Variants in DEUP1 observed in about 807,000 individuals in gnomAD.
DEUP1 encodes the protein coiled-coil domain containing 67.
Under a neutral mutation model 87.4 loss-of-function variants are expected in DEUP1, and 82 were observed. That is an observed-to-expected ratio of 0.94 (90% CI 0.78 to 1.13). The LOEUF (loss-of-function observed/expected upper bound fraction) is 1.13, where lower values mean the gene tolerates loss of function less well. DEUP1 is among the 50% of genes most tolerant of loss of function. The pLI is 0.00. For synonymous variants in DEUP1, 214 were observed against 222.7 expected, an observed-to-expected ratio of 0.96 and a Z score of 0.35; for missense variants, 663 against 681.5, an observed-to-expected ratio of 0.97 and a Z score of 0.30.
intron 9 of DEUP1, among the ~76,000 whole-genome samples, chr11:93,393,243 A>G (rs2134358507): frequency 6.6e-6 from 1 of 151,892 alleles, no homozygotes; most frequent in South Asian, 2.1e-4. Context: ...CTGAATGCAC[A>G]TGCCACCACA....
chr11:93,345,638 G>C lies in DEUP1; in HGVS notation c.30-9733G>C, dbSNP rs1310812799. Among the ~76,000 whole-genome samples, 3 of 152,132 alleles carry C rather than the reference G, an allele frequency of 2.0e-5. No individual in the cohort carries two copies. The South Asian group carries it at 6.2e-4, about 32-fold the overall frequency. On this transcript the variant is annotated intron_variant, in intron 2 of 13. Coordinates refer to ENST00000298050, the MANE Select transcript of DEUP1 (RefSeq NM_181645.4). ...ATGTTGAGCCTTTTTTCATATGTTT[G>C]TTAGCTGCATGTATGTCTTCTTTTG...
chr11:93,330,632 C>A, upstream of DEUP1: 1 of 152,756 alleles, frequency 6.5e-6, no homozygotes, highest in South Asian at 1.8e-4. Flanking sequence ...CCTCGTTGGT[C>A]GCGCGGCGGG....
intron 11 of DEUP1, among the ~76,000 whole-genome samples, chr11:93,406,614 A>G (rs1947285694): frequency 6.6e-6 from 1 of 151,946 alleles, no homozygotes; most frequent in African/African-American, 2.4e-5. Context: ...GACAGATTTC[A>G]TTAAATAAAA....
At chr11:93,392,884 C>G (rs868514012) in intron 9 of DEUP1, among the ~76,000 whole-genome samples, 8 of 151,550 alleles carry the variant, frequency 5.3e-5, no homozygotes, top group African/African-American at 1.9e-4. Context: ...GCCATGCTTT[C>G]ACTCACTGAG....
intron 2 of DEUP1, among the ~76,000 whole-genome samples, chr11:93,350,467 T>C (rs956085590): frequency 3.3e-5 from 5 of 152,172 alleles, no homozygotes; most frequent in African/African-American, 1.2e-4. Flanking sequence ...CAGACAGTAG[T>C]TACCTGTTAA....
chr11:93,387,483 G>C (rs984902535), intron 8 of DEUP1, among the ~76,000 whole-genome samples: 3 of 151,934 alleles, frequency 2.0e-5, no homozygotes, highest in Non-Finnish European at 4.4e-5. Flanking sequence ...GGGTTGATAT[G>C]TTCTGAGAGT....
intron 5 of DEUP1, among the ~76,000 whole-genome samples, chr11:93,368,585 A>C (rs1945540334): frequency 6.6e-6 from 1 of 152,164 alleles, no homozygotes; most frequent in African/African-American, 2.4e-5. Flanking sequence ...CTTTCAAACA[A>C]CCAGATCTCA....
At position 93,371,153 on chromosome 11, in the gene DEUP1, A is replaced by G. The variant is rs374649588; in HGVS notation, c.662A>G (p.Glu221Gly). ...CCAGATCCCAATTGTGAAATCAATG[A>G]AAGAGATGAGTTCATTATTGAAAAA... ...CDPDPNCEIN[E>G]RDEFIIEKLK... Residue 221 changes from glutamate to glycine, a missense_variant, in exon 7 of 14, where the codon GAA becomes GGA. Glu to Gly is a moderately conservative substitution (Grantham distance 98). Coordinates refer to ENST00000298050, the MANE Select transcript of DEUP1 (RefSeq NM_181645.4). The G allele has an allele frequency of 1.5e-5, 25 of 1,613,220 alleles. No individual in the cohort carries two copies. Among genetic ancestry groups the G allele is most frequent in the Non-Finnish European group, 2.0e-5 (24 of 1,179,578 alleles).
At chr11:93,402,732 C>T (rs1256040213) in intron 11 of DEUP1, among the ~76,000 whole-genome samples, 3 of 151,714 alleles carry the variant, frequency 2.0e-5, no homozygotes, top group Non-Finnish European at 4.4e-5. Flanking sequence ...GATGAAACTG[C>T]TAGAGGTCAT....
intron 13 of DEUP1, among the ~76,000 whole-genome samples, chr11:93,429,209 A>G (rs1436200414): frequency 1.3e-5 from 2 of 152,206 alleles, no homozygotes; most frequent in Non-Finnish European, 2.9e-5. Flanking sequence ...GCTTAAAACC[A>G]TTAGCTTTTG....
Position 93,364,300 on chromosome 11 carries a change from A to T in DEUP1, c.432+6A>T. 6.2e-7 allele frequency: 1 copy of T among 1,604,852 alleles called. No individual in the cohort carries two copies. The highest frequency in any genetic ancestry group is 1.1e-5 in the South Asian group (1 of 90,510). On this transcript the variant is annotated splice_donor_region_variant and intron_variant, in intron 5 of 13. Transcript: ENST00000298050. ...ATTTGAACCAGAAATTAGAGGTGAGATATATTATCTTAGTTTCTTCATGTG... is the reference window on the plus strand; with the variant it reads ...ATTTGAACCAGAAATTAGAGGTGAGTTATATTATCTTAGTTTCTTCATGTG...
Position 93,389,177 on chromosome 11 carries a change from T to C in DEUP1, c.1041+52T>C. On this transcript the variant is annotated intron_variant, in intron 9 of 13. Transcript: ENST00000298050. ...TCCAGGTAGATGTGAACTCTTTACATACAAAGGGAGTTAAAAAAAAATCTT... is the reference window on the plus strand; with the variant it reads ...TCCAGGTAGATGTGAACTCTTTACACACAAAGGGAGTTAAAAAAAAATCTT... The C allele has an allele frequency of 4.0e-6, 4 of 990,530 alleles. 1 individual carries two copies. Among genetic ancestry groups the C allele is most frequent in the Admixed American group, 3.0e-5 (1 of 33,872 alleles). 61.4% of individuals were successfully genotyped at this position (990,530 alleles called of 1,614,324 possible). A position where few individuals can be genotyped will look rare whatever the true frequency, so the allele number is the denominator to read the frequency against.
chr11:93,430,296 T>C (rs534539977), intron 13 of DEUP1, among the ~76,000 whole-genome samples: 107 of 152,000 alleles, frequency 7.0e-4, no homozygotes, highest in Middle Eastern at 3.4e-3. Flanking sequence ...TTGAATAAGA[T>C]AGACACATAA....
intron 2 of DEUP1, among the ~76,000 whole-genome samples, chr11:93,335,956 A>C (rs1184145715): frequency 1.3e-5 from 2 of 152,106 alleles, no homozygotes; most frequent in African/African-American, 4.8e-5. Flanking sequence ...CTCTACTAAA[A>C]ATAAAAATTA....
intron 5 of DEUP1, among the ~76,000 whole-genome samples, chr11:93,367,364 C>T (rs1945473000): frequency 1.3e-5 from 2 of 152,114 alleles, no homozygotes; most frequent in Non-Finnish European, 2.9e-5. Flanking sequence ...AGCTTTCATT[C>T]TCTAAATTAG....
Position 93,355,450 on chromosome 11 carries a change from G to C in DEUP1, c.109G>C (p.Glu37Gln), listed in dbSNP as rs772875843. The C allele has an allele frequency of 6.8e-6, 11 of 1,613,836 alleles. No individual in the cohort carries two copies. Among genetic ancestry groups the C allele is most frequent in the Non-Finnish European group, 9.3e-6 (11 of 1,179,790 alleles). ...GGTAAGCAACAAGAAAATGGATTGG[G>C]AAAGAAAGATGCGGGCTTTGGAGAC... Reference protein sequence around the residue: ...IMVSNKKMDWERKMRALETRL... With the variant: ...IMVSNKKMDWQRKMRALETRL... Residue 37 changes from glutamate (E) to glutamine (Q), a missense_variant, in exon 3 of 14, where the codon GAA becomes CAA. By Grantham distance (29) the Glu-to-Gln change is conservative. Transcript: ENST00000298050.
Position 93,336,987 on chromosome 11 carries a change from A to C in DEUP1, c.29+4699A>C, listed in dbSNP as rs541944571. Among the ~76,000 whole-genome samples, 6 of 152,282 alleles carry C rather than the reference A, an allele frequency of 3.9e-5. No individual in the cohort carries two copies. The South Asian group carries it at 1.2e-3, about 32-fold the overall frequency. ...ACCAAATTCTCATTTTTCTCTACTG[A>C]ATCTTTTACTGTACCTTTTATTCTG... On this transcript the variant is annotated intron_variant, in intron 2 of 13. Transcript: ENST00000298050.
intron 7 of DEUP1, among the ~76,000 whole-genome samples, chr11:93,382,711 C>G (rs80276632): frequency 0.085 from 12,987 of 152,152 alleles, 1,441 homozygotes; most frequent in African/African-American, 0.25. Context: ...ATTTGCAAAC[C>G]AGGGAGCCCA....
intron 5 of DEUP1, 60 bp from the exon 6 acceptor site, chr11:93,370,013 T>G (rs1945634919): frequency 8.6e-6 from 7 of 816,742 alleles, no homozygotes; most frequent in Non-Finnish European, 1.4e-5. Flanking sequence ...GAAGCCTTAT[T>G]TGCTGTACTT....
Sources: allele counts gnomAD v4.1 joint callset (sites outside exome capture counted in the v4.1 genomes callset), GRCh38; gene constraint gnomAD v4.1.1; transcripts MANE v1.5; gene names NCBI Gene and HGNC (gene_info 2026-07-23, HGNC 2026-07-21).